The following ELP4 variants were observed in gnomAD, a reference collection of about 807,000 sequenced individuals.
ELP4 encodes elongator acetyltransferase complex subunit 4, also known as elongator complex protein 4.
A neutral mutation model predicts 48.9 loss-of-function variants in ELP4; 51 were observed. The observed-to-expected ratio is 1.04, with a 90% CI of 0.83 to 1.32. ELP4 has a LOEUF of 1.32. Ranked by LOEUF, ELP4 falls within the 40% of genes most tolerant of loss-of-function variation. The pLI is 0.00. For missense variants in ELP4, 519 were observed against 514.6 expected (o/e 1.01, Z -0.08); for synonymous variants, 210 against 189.2 (o/e 1.11, Z -0.90).
chr11:31,693,902 T>G (rs1946338678), intron 9 of ELP4, among the ~76,000 whole-genome samples: 2 of 152,144 alleles, frequency 1.3e-5, no homozygotes, highest in African/African-American at 2.4e-5. Context: ...TTGCATTTCT[T>G]TGATGGTCAG....
intron 9 of ELP4, among the ~76,000 whole-genome samples, chr11:31,666,133 C>T (rs866980310): frequency 6.6e-6 from 1 of 150,878 alleles, no homozygotes; most frequent in African/African-American, 2.4e-5. Flanking sequence ...CTCAGCCTCC[C>T]GAGTAGCTGG....
intron 8 of ELP4, chr11:31,649,278 C>T (rs892498260): frequency 2.0e-5 from 3 of 151,604 alleles, no homozygotes; most frequent in Non-Finnish European, 4.4e-5. Flanking sequence ...ATTTGCCTTT[C>T]CTCCCCATGT....
intron 9 of ELP4, among the ~76,000 whole-genome samples, chr11:31,709,407 C>A (rs1325859841): frequency 6.6e-6 from 1 of 152,126 alleles, no homozygotes; most frequent in Non-Finnish European, 1.5e-5. Context: ...TACCGAATGA[C>A]CCAAGTTTCA....
intron 9 of ELP4, among the ~76,000 whole-genome samples, chr11:31,747,988 C>T (rs907711324): frequency 1.3e-5 from 2 of 152,156 alleles, no homozygotes; most frequent in African/African-American, 4.8e-5. Context: ...AAAACTATTA[C>T]TTAAAATTAT....
intron 2 of ELP4, among the ~76,000 whole-genome samples, chr11:31,523,626 A>C (rs1245256790): frequency 6.6e-6 from 1 of 152,224 alleles, no homozygotes; most frequent in African/African-American, 2.4e-5. Flanking sequence ...ACATGTGAAC[A>C]GATGAAAGGA....
chr11:31,529,941 C>G (rs1212121827), intron 2 of ELP4, among the ~76,000 whole-genome samples: 1 of 152,172 alleles, frequency 6.6e-6, no homozygotes, highest in Non-Finnish European at 1.5e-5. Context: ...AGACTTAATA[C>G]AACAGGTCAG....
intron 9 of ELP4, among the ~76,000 whole-genome samples, chr11:31,757,157 C>T (rs1302835135): frequency 3.6e-4 from 55 of 152,162 alleles, no homozygotes; most frequent in Non-Finnish European, 1.0e-4. Context: ...TTTGTTTCCT[C>T]TGTATTTGTA....
chr11:31,775,636 A>G (rs961987444), intron 9 of ELP4, among the ~76,000 whole-genome samples: 2 of 151,992 alleles, frequency 1.3e-5, no homozygotes, highest in Admixed American at 6.6e-5. Context: ...GGAGTTCGAG[A>G]CCAGCCTGGA....
intron 5 of ELP4, among the ~76,000 whole-genome samples, chr11:31,619,281 A>G (rs1944564446): frequency 6.6e-6 from 1 of 152,028 alleles, no homozygotes; most frequent in African/African-American, 2.4e-5. Context: ...CTGGGTTGGT[A>G]TAGGAGTTTA....
chr11:31,735,158 G>GT (rs1947279736), intron 9 of ELP4, among the ~76,000 whole-genome samples: 1 of 111,512 alleles, frequency 9.0e-6, no homozygotes, highest in Non-Finnish European at 1.8e-5. Flanking sequence ...ATATCCATTG[G>GT]CAAAAAAAAA....
At chr11:31,603,497 A>T (rs1181806570) in intron 4 of ELP4, among the ~76,000 whole-genome samples, 4 of 151,828 alleles carry the variant, frequency 2.6e-5, no homozygotes, top group Non-Finnish European at 5.9e-5. Flanking sequence ...AATGAAAAAA[A>T]ACCAAAGAGG....
intron 3 of ELP4, among the ~76,000 whole-genome samples, chr11:31,577,222 A>G (rs2133965560): frequency 6.6e-6 from 1 of 152,306 alleles, no homozygotes; most frequent in Admixed American, 6.5e-5. Context: ...ACACCCTCCC[A>G]CGACTAAACG....
chr11:31,545,157 G>A (rs1956676796), intron 3 of ELP4, among the ~76,000 whole-genome samples: 3 of 152,198 alleles, frequency 2.0e-5, no homozygotes, highest in African/African-American at 7.2e-5. Flanking sequence ...GACGAGTTGA[G>A]AGAAGAAGGC....
At chr11:31,686,703 C>G (rs1177615658) in intron 9 of ELP4, among the ~76,000 whole-genome samples, 1 of 151,860 alleles carries the variant, frequency 6.6e-6, no homozygotes, top group Admixed American at 6.6e-5. Context: ...CATGGTGAAG[C>G]CCCATCTCTA....
At chr11:31,770,289 G>T (rs921760296) in intron 9 of ELP4, among the ~76,000 whole-genome samples, 14 of 152,176 alleles carry the variant, frequency 9.2e-5, no homozygotes, top group African/African-American at 3.4e-4. Flanking sequence ...GTAGAAGGGA[G>T]TCAGTTGGGG....
intron 9 of ELP4, among the ~76,000 whole-genome samples, chr11:31,696,730 T>G (rs1438607303): frequency 6.6e-6 from 1 of 152,100 alleles, no homozygotes; most frequent in Non-Finnish European, 1.5e-5. Flanking sequence ...AGACCATCCA[T>G]GCTAGGAGGA....
In ELP4 at chr11:31,509,802, C is replaced by G. The variant is rs545077142; in HGVS notation, c.18C>G (p.Thr6=). 3.1e-6 allele frequency: 5 copies of G among 1,614,144 alleles called. No individual in the cohort carries two copies. The highest frequency in any genetic ancestry group is 1.7e-4 in the Middle Eastern group (1 of 6,010). The change falls in exon 1 of 10, where the codon ACC becomes ACG. Residue 6 remains threonine (T), a synonymous_variant. Coordinates refer to ENST00000640961, the MANE Select transcript of ELP4 (RefSeq NM_019040.5). The part of the protein sequence containing the change: MAAVA[T]CGSVAASTGS... ...GCTCTAAGATGGCGGCAGTGGCAACCTGCGGTAGTGTTGCCGCGAGTACTG... is the reference window on the plus strand; with the variant it reads ...GCTCTAAGATGGCGGCAGTGGCAACGTGCGGTAGTGTTGCCGCGAGTACTG...
chr11:31,741,173 G>C (rs1397545718), intron 9 of ELP4, among the ~76,000 whole-genome samples: 2 of 152,166 alleles, frequency 1.3e-5, no homozygotes, highest in Non-Finnish European at 2.9e-5. Context: ...AAACTGCAAG[G>C]TGGCAGCGAG....
intron 3 of ELP4, among the ~76,000 whole-genome samples, chr11:31,547,841 T>C (rs1294538652): frequency 6.6e-6 from 1 of 151,974 alleles, no homozygotes; most frequent in Admixed American, 6.6e-5. Context: ...TATATACAAA[T>C]CAATAAATGT....
Sources: allele counts gnomAD v4.1 joint callset (sites outside exome capture counted in the v4.1 genomes callset), GRCh38; gene constraint gnomAD v4.1.1; transcripts MANE v1.5; gene names NCBI Gene and HGNC (gene_info 2026-07-23, HGNC 2026-07-21).